The following LRP1B variants were observed in gnomAD, a reference collection of about 807,000 sequenced individuals.
LRP1B encodes LDL receptor related protein 1B.
In LRP1B, 217 loss-of-function variants were observed where a neutral mutation model predicts 556.6. The ratio of observed to expected loss-of-function variants is 0.39; its 90% CI spans 0.35 to 0.44. The LOEUF is 0.44. Among genes scored for constraint, LRP1B ranks in the 20% least tolerant of loss-of-function variants. LRP1B has a pLI of 1.00. For synonymous variants in LRP1B, 2,047 were observed against 1,865.8 expected, an observed-to-expected ratio of 1.10 and a Z score of -2.50; for missense variants, 5,053 against 5,620.8, an observed-to-expected ratio of 0.90 and a Z score of 3.23.
At chr2:141,877,942 C>A (rs917996892) in intron 1 of LRP1B, among the ~76,000 whole-genome samples, 10 of 151,900 alleles carry the variant, frequency 6.6e-5, no homozygotes, top group Non-Finnish European at 1.3e-4. Context: ...TTTAGAGACA[C>A]TTTTAACTAA....
intron 41 of LRP1B, among the ~76,000 whole-genome samples, chr2:140,690,467 C>A (rs1368138370): frequency 6.6e-6 from 1 of 151,806 alleles, no homozygotes; most frequent in Admixed American, 6.6e-5. Flanking sequence ...TCTTATTAAC[C>A]TTTCTTTTGT....
chr2:141,895,840 G>A (rs1020754580), intron 1 of LRP1B, among the ~76,000 whole-genome samples: 15 of 151,760 alleles, frequency 9.9e-5, no homozygotes, highest in African/African-American at 3.4e-4. Context: ...CTTTCTTTCC[G>A]ACCTGCCCTG....
chr2:141,315,864 C>T (rs1017320008), intron 3 of LRP1B, among the ~76,000 whole-genome samples: 5 of 121,224 alleles, frequency 4.1e-5, no homozygotes, highest in African/African-American at 1.6e-4. Context: ...GCAGAAAATC[C>T]TCTATCTTTA....
chr2:140,437,402 T>C (rs1686233174), intron 66 of LRP1B, among the ~76,000 whole-genome samples: 1 of 152,168 alleles, frequency 6.6e-6, no homozygotes, highest in African/African-American at 2.4e-5. Context: ...CATTCACAAG[T>C]CACAGCCACA....
intron 77 of LRP1B, among the ~76,000 whole-genome samples, chr2:140,343,624 A>G (rs1319540748): frequency 1.3e-5 from 2 of 151,760 alleles, no homozygotes; most frequent in Non-Finnish European, 2.9e-5. Context: ...CAAAGTAAAC[A>G]GCAGAAATGA....
At chr2:140,285,026 GTATA>G (rs368255793) in intron 84 of LRP1B, among the ~76,000 whole-genome samples, 2 of 144,598 alleles carry the variant, frequency 1.4e-5, no homozygotes, top group African/African-American at 2.5e-5. Flanking sequence ...GTGTGTGTGT[GTATA>G]TATATATATA....
intron 17 of LRP1B, 99 bp from the exon 18 acceptor site, chr2:140,982,375 T>C (rs1450555326): frequency 8.7e-6 from 6 of 688,554 alleles, no homozygotes; most frequent in Non-Finnish European, 1.5e-5. Context: ...CATAAGATAG[T>C]ATGTTTCTCT....
chr2:140,276,596 C>A (rs1412147208), intron 84 of LRP1B, among the ~76,000 whole-genome samples: 1 of 151,910 alleles, frequency 6.6e-6, no homozygotes, highest in African/African-American at 2.4e-5. Context: ...ATGCAGAAAC[C>A]TCTGAAGAAC....
rs1294624359 is a variant in LRP1B at position 141,145,918 on chromosome 2, CT to C, written c.1013+42502del. The stretch of plus-strand genomic sequence containing the variant: ...TTTCACGTTTTTCTTTTCTTTCTTT[CT>C]TTCTTTTTTTTTTTTTTTTTTTTGA... On this transcript the variant is annotated intron_variant, in intron 7 of 90. Transcript: ENST00000389484. 3.6e-5 allele frequency among the ~76,000 whole-genome samples: 4 copies of C among 110,194 alleles called. No homozygotes were observed. In the East Asian group the frequency reaches 1.1e-3, roughly 32 times the overall value. 72.3% of individuals were successfully genotyped at this position (110,194 alleles called of 152,430 possible).
intron 21 of LRP1B, among the ~76,000 whole-genome samples, chr2:140,908,391 TAA>T (rs1435788489): frequency 2.8e-4 from 34 of 123,540 alleles, no homozygotes; most frequent in African/African-American, 8.2e-4. Flanking sequence ...TATATATATA[TAA>T]AAAGAAGGTT....
chr2:141,023,042 A>G (rs1000986958), intron 11 of LRP1B, among the ~76,000 whole-genome samples: 1 of 151,860 alleles, frequency 6.6e-6, no homozygotes, highest in African/African-American at 2.4e-5. Context: ...TATTTCTTGT[A>G]AACTTTGTTT....
chr2:141,686,146 T>C (rs562483250), intron 2 of LRP1B, among the ~76,000 whole-genome samples: 1 of 152,114 alleles, frequency 6.6e-6, no homozygotes, highest in South Asian at 2.1e-4. Flanking sequence ...TTCTTAATAA[T>C]CTCTCATAGA....
At chr2:140,813,341 A>G (rs1690993279) in intron 32 of LRP1B, among the ~76,000 whole-genome samples, 2 of 152,310 alleles carry the variant, frequency 1.3e-5, no homozygotes, top group South Asian at 4.1e-4. Context: ...TGACAAATGC[A>G]CTAGGCCCTT....
chr2:141,047,888 C>T (rs1698923234), intron 11 of LRP1B, among the ~76,000 whole-genome samples: 1 of 152,120 alleles, frequency 6.6e-6, no homozygotes, highest in Non-Finnish European at 1.5e-5. Context: ...ACACCATCTC[C>T]TGCCGAAGGA....
intron 2 of LRP1B, among the ~76,000 whole-genome samples, chr2:141,490,930 GTT>G (rs67482957): frequency 4.7e-4 from 64 of 135,770 alleles, no homozygotes; most frequent in African/African-American, 1.7e-3. Flanking sequence ...AGGTTAAAAT[GTT>G]TTTTTTTTTT....
intron 1 of LRP1B, among the ~76,000 whole-genome samples, chr2:141,954,052 C>T (rs866403746): frequency 3.3e-5 from 5 of 152,248 alleles, no homozygotes; most frequent in African/African-American, 1.2e-4. Flanking sequence ...CTATACCTCT[C>T]TCTCTCGGCA....
intron 7 of LRP1B, among the ~76,000 whole-genome samples, chr2:141,096,629 G>GAGAGAGAGAGAGAGAGAGAGAGA (rs1558858138): frequency 2.7e-4 from 16 of 59,744 alleles, no homozygotes; most frequent in Admixed American, 4.3e-4. Context: ...GGGGAGAGGG[G>GAGAGAGAGAGAGAGAGAGAGAGA]GAGAGAGAGA....
chr2:140,623,351 A>C (rs1352897669), intron 41 of LRP1B, among the ~76,000 whole-genome samples: 1 of 152,186 alleles, frequency 6.6e-6, no homozygotes, highest in Admixed American at 6.5e-5. Flanking sequence ...GAAAAAACAA[A>C]ACTAGAATAT....
intron 2 of LRP1B, among the ~76,000 whole-genome samples, chr2:141,640,642 A>C (rs1689295839): frequency 6.6e-6 from 1 of 152,012 alleles, no homozygotes; most frequent in Admixed American, 6.6e-5. Flanking sequence ...CCACCTACAA[A>C]AAGTAGCCGG....
Sources: allele counts gnomAD v4.1 joint callset (sites outside exome capture counted in the v4.1 genomes callset), GRCh38; gene constraint gnomAD v4.1.1; transcripts MANE v1.5; gene names NCBI Gene and HGNC (gene_info 2026-07-23, HGNC 2026-07-21).